Variants in GRM7 observed in about 807,000 individuals in gnomAD.
The protein encoded by GRM7 is glutamate metabotropic receptor 7, also known as metabotropic glutamate receptor 7.
A neutral mutation model predicts 84.5 loss-of-function variants in GRM7; 35 were observed. The ratio of observed to expected loss-of-function variants is 0.41; its 90% CI spans 0.32 to 0.55. GRM7 has a LOEUF of 0.55. GRM7 is among the 20% of genes least tolerant of loss of function. The pLI, the probability that GRM7 is intolerant of heterozygous loss-of-function variation, is 0.19. For synonymous variants in GRM7, 487 were observed against 455.1 expected, an observed-to-expected ratio of 1.07 and a Z score of -0.89; for missense variants, 1,003 against 1,194.6, an observed-to-expected ratio of 0.84 and a Z score of 2.36.
At chr3:7,230,855 T>G (rs1697170605) in intron 2 of GRM7, among the ~76,000 whole-genome samples, 1 of 152,186 alleles carries the variant, frequency 6.6e-6, no homozygotes, top group Non-Finnish European at 1.5e-5. Context: ...AAGCAGCTAT[T>G]GCATAAAACC....
chr3:7,518,605 A>G (rs1447860192), intron 7 of GRM7, among the ~76,000 whole-genome samples: 1 of 152,196 alleles, frequency 6.6e-6, no homozygotes, highest in East Asian at 1.9e-4. Context: ...GGGTTTTTCA[A>G]ACATCAAAAA....
chr3:7,209,713 G>GCCCTT (rs1696357033), intron 2 of GRM7, among the ~76,000 whole-genome samples: 1 of 152,184 alleles, frequency 6.6e-6, no homozygotes, highest in African/African-American at 2.4e-5. Context: ...TAAAACTGAA[G>GCCCTT]AGAAGGCATA....
intron 4 of GRM7, among the ~76,000 whole-genome samples, chr3:7,327,456 A>G (rs1444525413): frequency 5.9e-5 from 9 of 152,190 alleles, no homozygotes; most frequent in Admixed American, 5.9e-4. Context: ...ATGTAATCCA[A>G]TTGGGGTCAA....
intron 1 of GRM7, among the ~76,000 whole-genome samples, chr3:7,000,957 G>A (rs756520267): frequency 6.6e-6 from 1 of 152,144 alleles, no homozygotes; most frequent in East Asian, 1.9e-4. Flanking sequence ...AACAGGAAAC[G>A]AAGATTGGAA....
intron 3 of GRM7, among the ~76,000 whole-genome samples, chr3:7,305,349 T>TCCTGCCTGGAAGAAAAAAAAG (rs1486852422): frequency 1.2e-4 from 6 of 51,964 alleles, no homozygotes; most frequent in South Asian, 6.1e-4. Flanking sequence ...TTTTCTTTTT[T>TCCTGCCTGGAAGAAAAAAAAG]TTTTTTTTTA....
chr3:6,989,270 C>G (rs1424650185), intron 1 of GRM7, among the ~76,000 whole-genome samples: 1 of 152,036 alleles, frequency 6.6e-6, no homozygotes, highest in Non-Finnish European at 1.5e-5. Context: ...TTATGTATGT[C>G]AACACTTTAG....
chr3:7,076,622 G>A lies in GRM7; in HGVS notation c.520-69830G>A, dbSNP rs550838117. 7.9e-5 allele frequency among the ~76,000 whole-genome samples: 12 copies of A among 152,176 alleles called. No individual in the cohort carries two copies. In the South Asian group the frequency reaches 2.5e-3, roughly 32 times the overall value. ...CAGTCTTGGGTATCCTTATAGCACT[G>A]TGACAGACTAATGCAGCACCCCAAT... is the stretch of plus-strand genomic sequence containing the variant. On this transcript the variant is annotated intron_variant, in intron 1 of 9. Transcript: ENST00000357716.
chr3:7,419,343 C>G (rs576028694), intron 5 of GRM7, among the ~76,000 whole-genome samples: 39 of 152,174 alleles, frequency 2.6e-4, no homozygotes, highest in Middle Eastern at 3.4e-3. Flanking sequence ...GAGTGTGTAT[C>G]CAAGGCCCAG....
intron 7 of GRM7, among the ~76,000 whole-genome samples, chr3:7,561,088 C>T (rs1694005332): frequency 6.6e-6 from 1 of 152,092 alleles, no homozygotes; most frequent in Non-Finnish European, 1.5e-5. Flanking sequence ...CTTTATATTG[C>T]AGTTCAACTG....
intron 8 of GRM7, among the ~76,000 whole-genome samples, chr3:7,648,695 G>A (rs1189801545): frequency 6.6e-6 from 1 of 151,372 alleles, no homozygotes; most frequent in African/African-American, 2.4e-5. Context: ...ACTTCCCCTA[G>A]GACCTGGGCA....
chr3:7,545,545 C>T (rs542287580), intron 7 of GRM7, among the ~76,000 whole-genome samples: 1 of 152,306 alleles, frequency 6.6e-6, no homozygotes, highest in East Asian at 1.9e-4. Context: ...GTGGCTTATT[C>T]AGCTTGTTTT....
chr3:7,115,278 A>T (rs17046797), intron 1 of GRM7, among the ~76,000 whole-genome samples: 40,842 of 151,900 alleles, frequency 0.27, 5,740 homozygotes, highest in African/African-American at 0.33. Flanking sequence ...GCTTAAAGTC[A>T]CTCTGCTTCT....
intron 5 of GRM7, among the ~76,000 whole-genome samples, chr3:7,434,447 G>A (rs1696960071): frequency 6.6e-6 from 1 of 152,256 alleles, no homozygotes; most frequent in African/African-American, 2.4e-5. Context: ...TAGACTTTCT[G>A]TATAATGTTG....
intron 5 of GRM7, among the ~76,000 whole-genome samples, chr3:7,443,836 A>G (rs1028376444): frequency 2.0e-5 from 3 of 152,306 alleles, no homozygotes; most frequent in Non-Finnish European, 2.9e-5. Context: ...TAGGGGCAAG[A>G]CTACAAGGTG....
intron 1 of GRM7, among the ~76,000 whole-genome samples, chr3:7,135,281 C>T (rs910013154): frequency 6.6e-6 from 1 of 152,034 alleles, no homozygotes; most frequent in Non-Finnish European, 1.5e-5. Flanking sequence ...AGAATAAGCC[C>T]GAAATGGTTC....
chr3:7,333,107 A>C (rs1701273043), intron 4 of GRM7, among the ~76,000 whole-genome samples: 1 of 152,126 alleles, frequency 6.6e-6, no homozygotes, highest in Admixed American at 6.6e-5. Context: ...AGAATGAAAA[A>C]ACAACAGCTA....
At chr3:7,478,833 C>A (rs1044721085) in intron 7 of GRM7, among the ~76,000 whole-genome samples, 1 of 152,178 alleles carries the variant, frequency 6.6e-6, no homozygotes, top group Non-Finnish European at 1.5e-5. Flanking sequence ...CATGCAGTCA[C>A]CTGCACATCT....
chr3:7,447,174 A>T (rs1207734222), intron 5 of GRM7, among the ~76,000 whole-genome samples: 1 of 152,328 alleles, frequency 6.6e-6, no homozygotes, highest in South Asian at 2.1e-4. Context: ...CTTTCCTAGA[A>T]AACGTGATGA....
intron 3 of GRM7, among the ~76,000 whole-genome samples, chr3:7,304,463 C>T (rs1306767431): frequency 2.6e-5 from 4 of 151,190 alleles, no homozygotes; most frequent in Admixed American, 1.3e-4. Context: ...TCCCATTATG[C>T]GGCTAAGTTT....
Sources: allele counts gnomAD v4.1 joint callset (sites outside exome capture counted in the v4.1 genomes callset), GRCh38; gene constraint gnomAD v4.1.1; transcripts MANE v1.5; gene names NCBI Gene and HGNC (gene_info 2026-07-23, HGNC 2026-07-21).